Variants in LZTFL1 observed in about 807,000 individuals in gnomAD.
LZTFL1 encodes leucine zipper transcription factor-like protein 1.
LZTFL1 carries 25 observed loss-of-function variants against 45.9 expected under a neutral mutation model. That is an observed-to-expected ratio of 0.54 (90% CI 0.40 to 0.76). The LOEUF (loss-of-function observed/expected upper bound fraction) is 0.76, where lower values mean the gene tolerates loss of function less well. LZTFL1 is among the 30% of genes least tolerant of loss of function. The pLI is 0.00. For missense variants in LZTFL1, 277 were observed against 331.1 expected (o/e 0.84, Z 1.27); for synonymous variants, 93 against 117.4 (o/e 0.79, Z 1.35).
intron 2 of LZTFL1, among the ~76,000 whole-genome samples, chr3:45,872,117 A>G (rs1357456888): frequency 6.6e-6 from 1 of 152,092 alleles, no homozygotes; most frequent in Non-Finnish European, 1.5e-5. Context: ...GCCACAGTGC[A>G]TCTCTTGGGG....
At position 45,881,897 on chromosome 3, in the gene LZTFL1, G is replaced by A. The variant is rs1023310840; in HGVS notation, c.-214-22881C>T. 5.9e-5 allele frequency among the ~76,000 whole-genome samples: 9 copies of A among 152,356 alleles called. No homozygotes were observed. The East Asian group carries it at 1.7e-3, about 29-fold the overall frequency. ...AATATTAGCTGCTGAATAGCAGGTT[G>A]GTCTGGACCTGTACAATCCACTAGG... is the stretch of plus-strand genomic sequence containing the variant. On this transcript the variant is annotated intron_variant, in intron 2 of 4. Coordinates refer to the LZTFL1 transcript ENST00000472635.
At chr3:45,883,727 CA>C in intron 2 of LZTFL1, 2 of 568,468 alleles carry the variant, frequency 3.5e-6, no homozygotes, top group South Asian at 2.5e-5. Context: ...CTGAAAGTGC[CA>C]AAAGGCCTGC....
rs1225462975 is a variant in LZTFL1 at position 45,901,327 on chromosome 3, G to C, written c.-215+11793C>G. The stretch of plus-strand genomic sequence containing the variant: ...ATCTGGGTATTGGCAGCTGCTCTCT[G>C]CATCCCAGAAATCTTATACAGCCAA... On this transcript the variant is annotated intron_variant, in intron 2 of 4. Coordinates refer to the LZTFL1 transcript ENST00000472635. This position sits in a 1 kb window ranked among gnomAD's most constrained non-coding sequence, Gnocchi z 4.3. 6.2e-7 allele frequency: 1 copy of C among 1,614,136 alleles called. No individual in the cohort carries two copies.
chr3:45,857,291 GTTCTCAC>G lies in LZTFL1; in HGVS notation c.-138+1642_-138+1648del, dbSNP rs1701408934. On this transcript the variant is annotated intron_variant, in intron 3 of 4. Coordinates refer to the LZTFL1 transcript ENST00000472635. Reference sequence around the variant, plus strand: ...AGAAACAGAAAACCAAACATTGCATGTTCTCACTTATAAGTGGGAACTGAACAATGAG... The same window carrying G: ...AGAAACAGAAAACCAAACATTGCATGTTATAAGTGGGAACTGAACAATGAG... Among the ~76,000 whole-genome samples the G allele has an allele frequency of 5.9e-5, 9 of 152,162 alleles. No individual in the cohort carries two copies. In the South Asian group the frequency reaches 1.9e-3, roughly 32 times the overall value.
intron 2 of LZTFL1, among the ~76,000 whole-genome samples, chr3:45,908,607 G>C (rs1269389062): frequency 6.6e-6 from 1 of 152,138 alleles, no homozygotes; most frequent in Non-Finnish European, 1.5e-5. Context: ...GCTGAAGAAT[G>C]GACAGGAATG....
chr3:45,836,991 T>C (rs559556535), intron 2 of LZTFL1, among the ~76,000 whole-genome samples: 3 of 152,288 alleles, frequency 2.0e-5, no homozygotes, highest in East Asian at 1.9e-4. Context: ...TCTCAGCAGA[T>C]GAAGAGCAGC....
chr3:45,911,140 C>T (rs971280690), intron 2 of LZTFL1, among the ~76,000 whole-genome samples: 1 of 152,168 alleles, frequency 6.6e-6, no homozygotes, highest in East Asian at 1.9e-4. Flanking sequence ...CACACAGTGT[C>T]CCTCTGCTCT....
intron 2 of LZTFL1, chr3:45,897,723 C>T: frequency 1.2e-6 from 1 of 842,232 alleles, no homozygotes; most frequent in Middle Eastern, 2.3e-4. Context: ...TGTGCTTGTC[C>T]TTCTGCCAAG....
intron 2 of LZTFL1, among the ~76,000 whole-genome samples, chr3:45,877,483 C>T (rs1312115746): frequency 5.9e-5 from 9 of 152,076 alleles, no homozygotes; most frequent in African/African-American, 2.2e-4. Context: ...ATCCGCCTGC[C>T]TCGGCCCCCC....
At chr3:45,913,012 A>C in intron 2 of LZTFL1, 1 of 1,132,290 alleles carries the variant, frequency 8.8e-7, no homozygotes. Context: ...AAGTCATCAG[A>C]TAATCTAAAT....
chr3:45,887,251 C>CTGTG (rs36040178), intron 2 of LZTFL1, among the ~76,000 whole-genome samples: 3,054 of 149,200 alleles, frequency 0.02, 52 homozygotes, highest in Non-Finnish European at 0.03. Flanking sequence ...GCGTGTGTGT[C>CTGTG]TGTGTGTGTG....
chr3:45,873,701 A>G (rs902257891), intron 2 of LZTFL1, among the ~76,000 whole-genome samples: 4 of 152,086 alleles, frequency 2.6e-5, no homozygotes, highest in Admixed American at 2.6e-4. Context: ...TTTTCTCTGG[A>G]AGACCTCCAT....
At chr3:45,851,797 A>T (rs1237535432) in intron 4 of LZTFL1, among the ~76,000 whole-genome samples, 1 of 151,444 alleles carries the variant, frequency 6.6e-6, no homozygotes, top group Admixed American at 6.6e-5. Context: ...GAAGTGAGCC[A>T]TGATCACACC....
rs1474658401 is a variant in LZTFL1 at position 45,824,244 on chromosome 3, A to T, written c.*2070T>A. The stretch of plus-strand genomic sequence containing the variant: ...CTCAAACCACCATCCTTAGAAATCC[A>T]ATATATATATATATGAAAAAGGCTT... On this transcript the variant is annotated 3_prime_UTR_variant, in exon 10 of 10. Coordinates refer to ENST00000296135, the MANE Select transcript of LZTFL1 (RefSeq NM_020347.4). 1 of 151,212 alleles carries T rather than the reference A, an allele frequency of 6.6e-6. No individual in the cohort carries two copies. Among genetic ancestry groups the T allele is most frequent in the Non-Finnish European group, 1.5e-5 (1 of 67,772 alleles). 9.4% of individuals were successfully genotyped at this position (151,212 alleles called of 1,614,324 possible).
chr3:45,848,449 C>T (rs1288714669), intron 4 of LZTFL1, among the ~76,000 whole-genome samples: 1 of 152,208 alleles, frequency 6.6e-6, no homozygotes, highest in Non-Finnish European at 1.5e-5. Context: ...TTAAGGCTTA[C>T]AGTATTGCGC....
At chr3:45,908,016 T>G (rs989861686) in intron 2 of LZTFL1, among the ~76,000 whole-genome samples, 1 of 152,164 alleles carries the variant, frequency 6.6e-6, no homozygotes, top group Non-Finnish European at 1.5e-5. Flanking sequence ...CTGCAGACAG[T>G]GAGTCAGCTG....
intron 2 of LZTFL1, among the ~76,000 whole-genome samples, chr3:45,872,089 A>G (rs532850407): frequency 6.6e-6 from 1 of 152,258 alleles, no homozygotes; most frequent in South Asian, 2.1e-4. Flanking sequence ...ATCACCCTCA[A>G]CCACAGCAGA....
chr3:45,905,266 C>T (rs75715190), intron 2 of LZTFL1, among the ~76,000 whole-genome samples: 131 of 152,340 alleles, frequency 8.6e-4, no homozygotes, highest in African/African-American at 2.9e-3. Flanking sequence ...CTCATGTGCT[C>T]CTCCCTTCCA....
intron 2 of LZTFL1, among the ~76,000 whole-genome samples, chr3:45,905,733 C>T (rs1702667398): frequency 6.6e-6 from 1 of 152,226 alleles, no homozygotes; most frequent in South Asian, 2.1e-4. Context: ...GCAGAATCCA[C>T]TCCAGGGCAC....
Sources: allele counts gnomAD v4.1 joint callset (sites outside exome capture counted in the v4.1 genomes callset), GRCh38; gene constraint gnomAD v4.1.1; non-coding constraint Gnocchi (gnomAD v3.1); transcripts MANE v1.5; gene names NCBI Gene and HGNC (gene_info 2026-07-23, HGNC 2026-07-21).